FAM184A: variants seen among roughly 807,000 people sequenced by gnomAD.
FAM184A encodes family with sequence similarity 184 member A.
In FAM184A, 99 loss-of-function variants were observed where a neutral mutation model predicts 143.8. The ratio of observed to expected loss-of-function variants is 0.69; its 90% CI spans 0.58 to 0.81. The LOEUF is 0.81. Among genes scored for constraint, FAM184A ranks in the 40% least tolerant of loss-of-function variants. FAM184A has a pLI of 0.00. For missense variants in FAM184A, 1,217 were observed against 1,310.5 expected (o/e 0.93, Z 1.10); for synonymous variants, 427 against 446.4 (o/e 0.96, Z 0.55).
intron 1 of FAM184A, among the ~76,000 whole-genome samples, chr6:119,073,183 A>T (rs1490482470): frequency 1.3e-5 from 2 of 152,230 alleles, no homozygotes; most frequent in Non-Finnish European, 2.9e-5. Context: ...AAGCCCAACA[A>T]GGGTAGCTGG....
At chr6:118,989,910 C>T (rs1159956659) in intron 9 of FAM184A, among the ~76,000 whole-genome samples, 7 of 151,936 alleles carry the variant, frequency 4.6e-5, no homozygotes, top group Admixed American at 1.3e-4. Flanking sequence ...CTCACTGCAA[C>T]CAAAGCCTCC....
chr6:119,002,579 A>G (rs1239030958), intron 9 of FAM184A, among the ~76,000 whole-genome samples: 1 of 152,136 alleles, frequency 6.6e-6, no homozygotes, highest in Non-Finnish European at 1.5e-5. Context: ...ACAGTATCTA[A>G]GGACATGAAA....
chr6:118,974,933 T>G (rs1057376331), intron 13 of FAM184A, 91 bp downstream of exon 13: 3 of 995,732 alleles, frequency 3.0e-6, no homozygotes, highest in Non-Finnish European at 4.5e-6. Context: ...AGAGCCAGTC[T>G]AGTCACAAAA....
At chr6:119,010,246 C>CA (rs1160531978) in intron 6 of FAM184A, among the ~76,000 whole-genome samples, 4 of 152,092 alleles carry the variant, frequency 2.6e-5, no homozygotes, top group Non-Finnish European at 5.9e-5. Flanking sequence ...GTTAAATACA[C>CA]AAAAAAATGA....
chr6:118,968,847 A>G (rs1238041472), intron 14 of FAM184A, among the ~76,000 whole-genome samples: 2 of 152,026 alleles, frequency 1.3e-5, no homozygotes, highest in Non-Finnish European at 2.9e-5. Flanking sequence ...ATAAAGGTCT[A>G]TCCCTGAATC....
intron 1 of FAM184A, among the ~76,000 whole-genome samples, chr6:119,126,423 C>T (rs1041743753): frequency 6.6e-6 from 1 of 152,226 alleles, no homozygotes; most frequent in Non-Finnish European, 1.5e-5. Context: ...GGACTGTGGG[C>T]ACTGGAGCTA....
intron 9 of FAM184A, among the ~76,000 whole-genome samples, chr6:118,980,782 T>C (rs1783995993): frequency 6.6e-6 from 1 of 152,192 alleles, no homozygotes; most frequent in African/African-American, 2.4e-5. Flanking sequence ...TGAGTTAAAA[T>C]CCTAGCTCTG....
intron 1 of FAM184A, among the ~76,000 whole-genome samples, chr6:119,117,077 G>GGT (rs1789080372): frequency 6.6e-6 from 1 of 152,230 alleles, no homozygotes; most frequent in African/African-American, 2.4e-5. Context: ...GAACTACCAG[G>GGT]TGCGACCAGC....
chr6:118,978,954 A>G (rs1783931857), intron 11 of FAM184A, among the ~76,000 whole-genome samples: 1 of 152,246 alleles, frequency 6.6e-6, no homozygotes. Context: ...ATACCTCAAC[A>G]GAAGAGTCAG....
intron 1 of FAM184A, among the ~76,000 whole-genome samples, chr6:119,084,323 A>G (rs965340675): frequency 6.6e-6 from 1 of 152,208 alleles, no homozygotes; most frequent in Non-Finnish European, 1.5e-5. Context: ...TGTCATTCCA[A>G]AAGGGAGACA....
chr6:118,991,870 C>T (rs1209818815), intron 9 of FAM184A, among the ~76,000 whole-genome samples: 1 of 146,252 alleles, frequency 6.8e-6, no homozygotes, highest in Non-Finnish European at 1.5e-5. Context: ...TCATGTCATT[C>T]TCCTGCCTCA....
rs544442093 is a variant in FAM184A, at chr6:119,057,435, T to C, written c.159+20706A>G. 2.0e-5 allele frequency among the ~76,000 whole-genome samples: 3 copies of C among 152,290 alleles called. No homozygotes were observed. The East Asian group carries it at 5.8e-4, about 29-fold the overall frequency. ...CCCTGTTAATTTAGAGATTCTACAT[T>C]TGTGTTTAAAATGGCAAAGAAGGCT... On this transcript the variant is annotated intron_variant, in intron 1 of 17. Coordinates refer to ENST00000338891, the MANE Select transcript of FAM184A (RefSeq NM_024581.6).
At chr6:119,098,563 GTAGCGTGTTATGGGT>G (rs1456790071) in intron 1 of FAM184A, among the ~76,000 whole-genome samples, 2 of 152,196 alleles carry the variant, frequency 1.3e-5, no homozygotes, top group Non-Finnish European at 2.9e-5. Context: ...ATATCTTGAA[GTAGCGTGTTATGGGT>G]CATAGGTAGA....
At chr6:119,005,939 T>C in intron 7 of FAM184A, 1 of 573,008 alleles carries the variant, frequency 1.7e-6, no homozygotes, top group Non-Finnish European at 3.2e-6. Context: ...CACGTTCCAA[T>C]TGTTATCGGT....
chr6:119,060,714 C>T (rs373110308), intron 1 of FAM184A, among the ~76,000 whole-genome samples: 60 of 152,004 alleles, frequency 3.9e-4, no homozygotes, highest in Non-Finnish European at 7.2e-4. Context: ...AGCACCATCC[C>T]CCTCTTGGTA....
At chr6:118,963,287 C>T (rs1783391399) in intron 16 of FAM184A, 1 of 151,912 alleles carries the variant, frequency 6.6e-6, no homozygotes, top group Non-Finnish European at 1.5e-5. Context: ...AAATTTAATT[C>T]CAATAAAATA....
At chr6:119,023,824 A>T (rs1183011502) in intron 2 of FAM184A, 135 bp downstream of exon 2, 10 of 112,604 alleles carry the variant, frequency 8.9e-5, no homozygotes, top group African/African-American at 2.5e-4. Flanking sequence ...GGAAAAGTTA[A>T]AAAAAAAAAA....
At chr6:119,015,029 A>C (rs1785196948) in intron 5 of FAM184A, among the ~76,000 whole-genome samples, 1 of 151,336 alleles carries the variant, frequency 6.6e-6, no homozygotes, top group Non-Finnish European at 1.5e-5. Context: ...ACTGCACTGC[A>C]CTCCAGACTG....
chr6:118,986,511 G>C (rs1188515444), intron 9 of FAM184A, among the ~76,000 whole-genome samples: 1 of 152,198 alleles, frequency 6.6e-6, no homozygotes, highest in Non-Finnish European at 1.5e-5. Flanking sequence ...CTCTGACAAA[G>C]TCATGTTTTG....
Sources: allele counts gnomAD v4.1 joint callset (sites outside exome capture counted in the v4.1 genomes callset), GRCh38; gene constraint gnomAD v4.1.1; transcripts MANE v1.5; gene names NCBI Gene and HGNC (gene_info 2026-07-23, HGNC 2026-07-21).